Variants in DCC observed in about 807,000 individuals in gnomAD.
DCC encodes netrin receptor DCC.
Under a neutral mutation model 172.5 loss-of-function variants are expected in DCC, and 58 were observed. The observed-to-expected ratio is 0.34, with a 90% CI of 0.27 to 0.42. The LOEUF is 0.42. Among genes scored for constraint, DCC ranks in the 10% least tolerant of loss-of-function variants. The pLI, the probability that DCC is intolerant of heterozygous loss-of-function variation, is 1.00. For synonymous variants in DCC, 709 were observed against 644.5 expected (o/e 1.10, Z -1.52); for missense variants, 1,740 against 1,791.0 (o/e 0.97, Z 0.51).
intron 25 of DCC, among the ~76,000 whole-genome samples, chr18:53,473,013 C>A (rs1337790503): frequency 6.6e-6 from 1 of 152,142 alleles, no homozygotes; most frequent in African/African-American, 2.4e-5. Flanking sequence ...TTACATATTT[C>A]TTTCCTTTTG....
intron 1 of DCC, among the ~76,000 whole-genome samples, chr18:52,519,812 G>A (rs1030195301): frequency 8.5e-5 from 13 of 152,162 alleles, no homozygotes; most frequent in Non-Finnish European, 1.5e-4. Flanking sequence ...TGACAGTTGT[G>A]TGAAAATTGC....
At chr18:53,070,032 T>C (rs1161269279) in intron 7 of DCC, among the ~76,000 whole-genome samples, 2 of 151,132 alleles carry the variant, frequency 1.3e-5, no homozygotes, top group Non-Finnish European at 2.9e-5. Flanking sequence ...CATGCTGGAG[T>C]GCAATGGCAC....
Position 53,054,263 on chromosome 18 carries a change from C to A in DCC, c.986-9042C>A, listed in dbSNP as rs954495720. Among the ~76,000 whole-genome samples, 3 of 151,582 alleles carry A rather than the reference C, an allele frequency of 2.0e-5. No individual in the cohort carries two copies. The Admixed American group carries it at 2.0e-4, about 10-fold the overall frequency. On this transcript the variant is annotated intron_variant, in intron 5 of 28. Coordinates refer to ENST00000442544, the MANE Select transcript of DCC (RefSeq NM_005215.4). ...CGGTTGAATCCTTGACTGTAGAACCCACAGATATATATGAAGGACCAGCTA... is the reference window on the plus strand; with the variant it reads ...CGGTTGAATCCTTGACTGTAGAACCAACAGATATATATGAAGGACCAGCTA...
At chr18:52,868,725 C>T (rs2039269057) in intron 2 of DCC, among the ~76,000 whole-genome samples, 1 of 152,216 alleles carries the variant, frequency 6.6e-6, no homozygotes, top group Non-Finnish European at 1.5e-5. Context: ...CCCATTCAGC[C>T]TGGCAGACAC....
chr18:52,859,261 G>A (rs2039098230), intron 2 of DCC, among the ~76,000 whole-genome samples: 1 of 152,150 alleles, frequency 6.6e-6, no homozygotes, highest in African/African-American at 2.4e-5. Flanking sequence ...CTTTGTTGAG[G>A]ACTAATGGTG....
chr18:53,178,170 T>C (rs1568348705), intron 8 of DCC, among the ~76,000 whole-genome samples: 2 of 152,202 alleles, frequency 1.3e-5, no homozygotes, highest in African/African-American at 4.8e-5. Flanking sequence ...TGTAGAATTA[T>C]GTGTGTCCTT....
At chr18:52,610,167 A>T (rs2034229432) in intron 1 of DCC, among the ~76,000 whole-genome samples, 4 of 23,036 alleles carry the variant, frequency 1.7e-4, no homozygotes, top group Admixed American at 1.6e-3. Context: ...AAAAAAAAAA[A>T]AAAAAAAAAA....
intron 25 of DCC, among the ~76,000 whole-genome samples, chr18:53,482,008 A>G (rs186319528): frequency 7.9e-5 from 12 of 152,248 alleles, no homozygotes; most frequent in South Asian, 6.2e-4. Context: ...GCTGTTTTAC[A>G]TAAACATAGC....
At chr18:53,061,533 A>T (rs2042494729) in intron 5 of DCC, among the ~76,000 whole-genome samples, 1 of 152,152 alleles carries the variant, frequency 6.6e-6, no homozygotes, top group African/African-American at 2.4e-5. Flanking sequence ...AAGAACTTAA[A>T]TAATAAAGGG....
intron 5 of DCC, among the ~76,000 whole-genome samples, chr18:52,971,395 A>G (rs1426391195): frequency 6.6e-6 from 1 of 152,138 alleles, no homozygotes; most frequent in Non-Finnish European, 1.5e-5. Context: ...TCTAGTTAGT[A>G]GAATTGGCAT....
At chr18:53,070,920 G>A (rs1258149932) in intron 7 of DCC, among the ~76,000 whole-genome samples, 2 of 152,144 alleles carry the variant, frequency 1.3e-5, no homozygotes, top group African/African-American at 4.8e-5. Context: ...TGGTAGAGAG[G>A]CCAGCTATAA....
chr18:52,999,021 A>G (rs1417036841), intron 5 of DCC, among the ~76,000 whole-genome samples: 2 of 152,124 alleles, frequency 1.3e-5, no homozygotes, highest in African/African-American at 4.8e-5. Context: ...TGTGTTTCCA[A>G]TAACTGAACT....
chr18:52,691,951 T>A (rs370613449), intron 1 of DCC, among the ~76,000 whole-genome samples: 1 of 152,304 alleles, frequency 6.6e-6, no homozygotes, highest in South Asian at 2.1e-4. Context: ...GTTAGAACAG[T>A]ATTCCCCTAA....
chr18:52,545,020 G>C (rs2032573208), intron 1 of DCC, among the ~76,000 whole-genome samples: 2 of 152,190 alleles, frequency 1.3e-5, no homozygotes, highest in African/African-American at 4.8e-5. Flanking sequence ...GCAGTTCAGA[G>C]GTGTGTGATA....
chr18:52,509,439 A>AT (rs1404429260), intron 1 of DCC, among the ~76,000 whole-genome samples: 2 of 152,116 alleles, frequency 1.3e-5, no homozygotes. Flanking sequence ...GACAGCACTG[A>AT]TTTGACCATG....
intron 2 of DCC, among the ~76,000 whole-genome samples, chr18:52,812,499 G>T (rs2038220751): frequency 6.6e-6 from 1 of 152,172 alleles, no homozygotes; most frequent in African/African-American, 2.4e-5. Context: ...CACATATTGT[G>T]CTCATCAAAG....
At chr18:53,251,477 T>G (rs1381741018) in intron 12 of DCC, among the ~76,000 whole-genome samples, 3 of 152,012 alleles carry the variant, frequency 2.0e-5, no homozygotes, top group Non-Finnish European at 4.4e-5. Flanking sequence ...ATATGATTTG[T>G]GCATTTATAT....
At chr18:53,439,763 A>ATTTTTTTTTT (rs1912149119) in intron 22 of DCC, among the ~76,000 whole-genome samples, 10 of 112,392 alleles carry the variant, frequency 8.9e-5, no homozygotes, top group Admixed American at 1.7e-4. Flanking sequence ...ATGTAGTAGT[A>ATTTTTTTTTT]TTTTTCTTTT....
At chr18:52,865,985 G>T (rs1049559898) in intron 2 of DCC, among the ~76,000 whole-genome samples, 2 of 152,136 alleles carry the variant, frequency 1.3e-5, no homozygotes, top group Admixed American at 1.3e-4. Flanking sequence ...GTCCTGAATG[G>T]TATTGCCTGG....
Sources: gnomAD v4.1 joint callset for allele counts (sites outside exome capture counted in the v4.1 genomes callset) on GRCh38, gnomAD v4.1.1 for gene constraint, MANE v1.5 for transcripts, NCBI Gene and HGNC (gene_info 2026-07-23, HGNC 2026-07-21) for gene names.